The following NTM variants were observed in gnomAD, a reference collection of about 807,000 sequenced individuals.
NTM encodes the protein neurotrimin.
A neutral mutation model predicts 42.1 loss-of-function variants in NTM; 13 were observed. The observed-to-expected ratio is 0.31, with a 90% CI of 0.20 to 0.49. NTM has a LOEUF of 0.49. NTM is among the 20% of genes least tolerant of loss of function. NTM has a pLI of 0.99. For missense variants in NTM, 373 were observed against 452.8 expected, an observed-to-expected ratio of 0.82 and a Z score of 1.60; for synonymous variants, 187 against 179.2, an observed-to-expected ratio of 1.04 and a Z score of -0.35.
At chr11:132,193,329 A>G (rs1178967726) in intron 3 of NTM, among the ~76,000 whole-genome samples, 1 of 152,200 alleles carries the variant, frequency 6.6e-6, no homozygotes, top group Non-Finnish European at 1.5e-5. Flanking sequence ...TGCAATAAAA[A>G]AAGAAATTAT....
chr11:131,636,379 A>G (rs928186021), intron 1 of NTM, among the ~76,000 whole-genome samples: 8 of 152,106 alleles, frequency 5.3e-5, no homozygotes, highest in African/African-American at 1.9e-4. Context: ...ATTCAAGGCT[A>G]CTCAGGCCCA....
chr11:132,035,968 T>C (rs1180113097), intron 2 of NTM, among the ~76,000 whole-genome samples: 2 of 152,270 alleles, frequency 1.3e-5, no homozygotes, highest in African/African-American at 4.8e-5. Flanking sequence ...AGATGGGAGA[T>C]AGAGCTGCAT....
chr11:131,601,870 T>A (rs1310089619), intron 1 of NTM, among the ~76,000 whole-genome samples: 1 of 152,210 alleles, frequency 6.6e-6, no homozygotes, highest in African/African-American at 2.4e-5. Flanking sequence ...TCTAGAATAC[T>A]GGAGTGAGCA....
rs75103976 is a variant in NTM, at chr11:132,257,055, C to G, written c.526+44908C>G. Among the ~76,000 whole-genome samples the G allele has an allele frequency of 1.6e-3, 249 of 152,352 alleles. 2 individuals are homozygous for G. The East Asian group carries it at 0.021, about 13-fold the overall frequency. On this transcript the variant is annotated intron_variant, in intron 4 of 8. Transcript: ENST00000683400. The stretch of plus-strand genomic sequence containing the variant: ...GCAAAGCAACTCGCTGGCAAAGGCT[C>G]TGTGCCAAACAACAGGGCAAATTAA...
At chr11:132,043,992 G>A (rs1566015069) in intron 2 of NTM, among the ~76,000 whole-genome samples, 2 of 140,850 alleles carry the variant, frequency 1.4e-5, no homozygotes, top group Non-Finnish European at 3.0e-5. Context: ...GTGTGTGTGT[G>A]TATGGGTATG....
At chr11:131,653,897 A>C (rs2066835342) in intron 1 of NTM, among the ~76,000 whole-genome samples, 2 of 152,260 alleles carry the variant, frequency 1.3e-5, no homozygotes, top group African/African-American at 4.8e-5. Flanking sequence ...TACAGCCTCC[A>C]GCCTTATCAG....
At chr11:131,787,448 C>T (rs542533250) in intron 1 of NTM, among the ~76,000 whole-genome samples, 3 of 151,168 alleles carry the variant, frequency 2.0e-5, no homozygotes, top group South Asian at 4.2e-4. Context: ...GGCATGAGCT[C>T]GGCTCTCTGC....
intron 1 of NTM, among the ~76,000 whole-genome samples, chr11:131,614,552 A>G (rs1470984482): frequency 1.3e-5 from 2 of 152,218 alleles, no homozygotes; most frequent in Non-Finnish European, 2.9e-5. Flanking sequence ...CCCATGGGGC[A>G]GGGGTGCAGG....
At chr11:131,828,696 A>C (rs990633946) in intron 1 of NTM, among the ~76,000 whole-genome samples, 1 of 151,930 alleles carries the variant, frequency 6.6e-6, no homozygotes, top group African/African-American at 2.4e-5. Flanking sequence ...TTTTCTTTCC[A>C]GGTTTCACGG....
chr11:131,968,404 C>G (rs1486257305), intron 2 of NTM, among the ~76,000 whole-genome samples: 1 of 152,152 alleles, frequency 6.6e-6, no homozygotes, highest in Non-Finnish European at 1.5e-5. Flanking sequence ...TCATGATCCT[C>G]TAAACTTGGC....
At chr11:131,872,812 A>C (rs984841207) in intron 1 of NTM, among the ~76,000 whole-genome samples, 6 of 152,186 alleles carry the variant, frequency 3.9e-5, no homozygotes, top group African/African-American at 1.4e-4. Flanking sequence ...CAATGTTGAC[A>C]CTTAAAACCA....
intron 1 of NTM, among the ~76,000 whole-genome samples, chr11:131,567,337 A>G (rs1592074336): frequency 6.6e-6 from 1 of 152,190 alleles, no homozygotes; most frequent in East Asian, 1.9e-4. Context: ...AAATACAAAA[A>G]TTAGCCGGGC....
At chr11:131,632,774 A>T (rs548288169) in intron 1 of NTM, among the ~76,000 whole-genome samples, 2 of 130,930 alleles carry the variant, frequency 1.5e-5, no homozygotes, top group East Asian at 4.9e-4. Flanking sequence ...TCCCGGGTTC[A>T]CGCCATTCTC....
intron 3 of NTM, among the ~76,000 whole-genome samples, chr11:132,154,457 A>C (rs1292678931): frequency 6.6e-6 from 1 of 152,224 alleles, no homozygotes; most frequent in Non-Finnish European, 1.5e-5. Context: ...TCAATTTTCA[A>C]AATCTCTCCA....
intron 1 of NTM, among the ~76,000 whole-genome samples, chr11:131,480,435 C>T (rs1418060027): frequency 6.6e-6 from 1 of 152,162 alleles, no homozygotes; most frequent in Non-Finnish European, 1.5e-5. Context: ...ACAGACCCCC[C>T]ACCTCCACCT....
At chr11:132,302,734 A>G (rs2094913776) in intron 4 of NTM, among the ~76,000 whole-genome samples, 1 of 152,210 alleles carries the variant, frequency 6.6e-6, no homozygotes, top group Admixed American at 6.5e-5. Context: ...CAAGACAGCT[A>G]CTCAAAAACT....
intron 1 of NTM, among the ~76,000 whole-genome samples, chr11:131,659,964 A>G (rs2512900): frequency 0.82 from 125,113 of 152,218 alleles, 51,548 homozygotes; most frequent in East Asian, 0.89. Flanking sequence ...CCTGAAGCCA[A>G]TTTTCCAATA....
intron 2 of NTM, among the ~76,000 whole-genome samples, chr11:132,125,147 A>G (rs2065465322): frequency 6.6e-6 from 1 of 152,228 alleles, no homozygotes; most frequent in Non-Finnish European, 1.5e-5. Context: ...ATGGGCTCAC[A>G]GTGGGGATGC....
chr11:131,979,950 G>A (rs1358702257), intron 2 of NTM, among the ~76,000 whole-genome samples: 1 of 152,160 alleles, frequency 6.6e-6, no homozygotes, highest in African/African-American at 2.4e-5. Context: ...TAGATAGGCA[G>A]GTAGGTGATA....
Sources: allele counts gnomAD v4.1 joint callset (sites outside exome capture counted in the v4.1 genomes callset), GRCh38; gene constraint gnomAD v4.1.1; transcripts MANE v1.5; gene names NCBI Gene and HGNC (gene_info 2026-07-23, HGNC 2026-07-21).